FREM1: variants seen among roughly 807,000 people sequenced by gnomAD.
FREM1 encodes the protein FRAS1-related extracellular matrix protein 1.
A neutral mutation model predicts 210.1 loss-of-function variants in FREM1; 220 were observed. The observed-to-expected ratio is 1.05, with a 90% CI of 0.94 to 1.17. The LOEUF (loss-of-function observed/expected upper bound fraction) is 1.17, where lower values mean the gene tolerates loss of function less well. Ranked by LOEUF, FREM1 falls within the 50% of genes most tolerant of loss-of-function variation. The pLI is 0.00. For missense variants in FREM1, 3,454 were observed against 2,675.5 expected (o/e 1.29, Z -6.42); for synonymous variants, 1,189 against 980.2 (o/e 1.21, Z -3.98).
At chr9:14,747,753 T>C (rs1842724560) in intron 31 of FREM1, 25 bp from the exon 32 acceptor site, 2 of 1,460,026 alleles carry the variant, frequency 1.4e-6, no homozygotes, top group Middle Eastern at 3.4e-4. Flanking sequence ...GAACAAAATA[T>C]GAACAGAATT....
intron 12 of FREM1, 37 bp from the exon 13 acceptor site, chr9:14,823,364 C>G (rs757778366): frequency 6.3e-7 from 1 of 1,583,140 alleles, no homozygotes; most frequent in Non-Finnish European, 8.6e-7. Flanking sequence ...TGGGTGCTGA[C>G]TTGCAAGGAT....
chr9:14,746,735 T>TTAACTAACATATTTTGTGATTTTTAA (rs1418212323), intron 34 of FREM1, among the ~76,000 whole-genome samples, 188 bp downstream of exon 34: 2 of 152,236 alleles, frequency 1.3e-5, no homozygotes, highest in Non-Finnish European at 2.9e-5. Flanking sequence ...TGGTATTGAT[T>TTAACTAACATATTTTGTGATTTTTAA]TAACTAACAT....
intron 13 of FREM1, 43 bp from the exon 14 acceptor site, chr9:14,819,485 T>A: frequency 7.8e-7 from 1 of 1,280,170 alleles, no homozygotes; most frequent in Non-Finnish European, 1.1e-6. Flanking sequence ...CCTTTTTCCA[T>A]GACCCCTGAA....
chr9:14,884,727 T>C (rs912684651), intron 1 of FREM1, among the ~76,000 whole-genome samples: 2 of 151,996 alleles, frequency 1.3e-5, no homozygotes, highest in African/African-American at 4.8e-5. Context: ...AAAAAATGGA[T>C]CTCAGCTGTA....
chr9:14,747,805 A>G, intron 31 of FREM1, 77 bp from the exon 32 acceptor site: 1 of 789,438 alleles, frequency 1.3e-6, no homozygotes. Flanking sequence ...CCACCAAGTA[A>G]GATCTTGCTA....
intron 10 of FREM1, 44 bp from the exon 11 acceptor site, chr9:14,825,036 A>C (rs1399195258): frequency 2.2e-6 from 3 of 1,390,286 alleles, no homozygotes; most frequent in East Asian, 4.7e-5. Flanking sequence ...ATACCAAAAA[A>C]ACAACAAAGA....
chr9:14,789,465 G>C (rs887840844), intron 22 of FREM1, among the ~76,000 whole-genome samples: 1 of 152,142 alleles, frequency 6.6e-6, no homozygotes, highest in East Asian at 1.9e-4. Flanking sequence ...GGATTCTTTA[G>C]AAATTAAATG....
chr9:14,777,657 T>A lies in FREM1; in HGVS notation c.4443-1454A>T, dbSNP rs199717339. On this transcript the variant is annotated intron_variant, in intron 24 of 36. Coordinates refer to ENST00000380880, the MANE Select transcript of FREM1 (RefSeq NM_001379081.2). ...GTATATTTTCTTTGGAAGTTCTTTT[T>A]TAACTAGAGAAGGTATGGCATTTAT... 2.5e-4 allele frequency among the ~76,000 whole-genome samples: 12 copies of A among 48,396 alleles called. No homozygotes were observed. The South Asian group carries it at 6.5e-3, about 26-fold the overall frequency. 31.7% of individuals were successfully genotyped at this position (48,396 alleles called of 152,430 possible).
chr9:14,808,536 C>G (rs1319085230), intron 16 of FREM1, among the ~76,000 whole-genome samples: 1 of 152,178 alleles, frequency 6.6e-6, no homozygotes, highest in African/African-American at 2.4e-5. Context: ...AAGTGTCTTT[C>G]CATTTACATT....
chr9:14,863,375 A>G lies in FREM1; in HGVS notation c.329+434T>C, dbSNP rs144501953. Among the ~76,000 whole-genome samples the G allele has an allele frequency of 8.3e-3, 1,255 of 152,038 alleles. 23 individuals carry two copies. The highest frequency in any genetic ancestry group is 0.028 in the African/African-American group (1,176 of 41,446). On this transcript the variant is annotated intron_variant, in intron 3 of 36. Transcript: ENST00000380880. Reference sequence around the variant, plus strand: ...AAAAAAAAGGAATTTTAAATATTTAATATGTTTAAAAATGGAAGATATTGC... The same window carrying G: ...AAAAAAAAGGAATTTTAAATATTTAGTATGTTTAAAAATGGAAGATATTGC...
In FREM1 at chr9:14,747,305, C is replaced by G. The variant is rs1842645187; in HGVS notation, c.5968G>C (p.Asp1990His). ...TIKVAELPQA[D>H]KVESTTDSHF... ...GAGTCAGTTGTGGATTCCACCTTAT[C>G]TGCTTGAGGCAGTTCTGCCACTTTG... Residue 1990 changes from aspartate to histidine, a missense_variant, in exon 33 of 37, where the codon GAT becomes CAT. By Grantham distance (81) the Asp-to-His change is moderately conservative. Transcript: ENST00000380880. 1 of 1,613,476 alleles carries G rather than the reference C, an allele frequency of 6.2e-7. No individual in the cohort carries two copies. The highest frequency in any genetic ancestry group is 2.2e-5 in the East Asian group (1 of 44,868).
intron 2 of FREM1, among the ~76,000 whole-genome samples, chr9:14,865,412 G>A (rs1831321532): frequency 6.6e-6 from 1 of 152,190 alleles, no homozygotes; most frequent in Non-Finnish European, 1.5e-5. Context: ...AGGCACTGGT[G>A]TGCATCAACT....
chr9:14,887,885 C>T (rs1268822135), intron 1 of FREM1, among the ~76,000 whole-genome samples: 2 of 152,184 alleles, frequency 1.3e-5, no homozygotes, highest in African/African-American at 4.8e-5. Context: ...GCAACCTCCA[C>T]CTCCTAGATT....
intron 14 of FREM1, among the ~76,000 whole-genome samples, chr9:14,817,813 C>A (rs1006459310): frequency 6.6e-6 from 1 of 152,134 alleles, no homozygotes; most frequent in African/African-American, 2.4e-5. Flanking sequence ...ACATCCTCCC[C>A]ACCCTCCATG....
chr9:14,881,942 T>A (rs909731110), intron 1 of FREM1, among the ~76,000 whole-genome samples: 6 of 152,114 alleles, frequency 3.9e-5, no homozygotes, highest in Non-Finnish European at 8.8e-5. Flanking sequence ...GGTGCTGCCT[T>A]GCACATGAAA....
intron 24 of FREM1, chr9:14,779,303 G>T: frequency 5.8e-6 from 1 of 173,426 alleles, no homozygotes; most frequent in Non-Finnish European, 1.1e-5. Flanking sequence ...TGGTACCTTA[G>T]CGCAAATATA....
intron 3 of FREM1, among the ~76,000 whole-genome samples, chr9:14,860,780 T>TACATATATACACATATATACATATATAC (rs1564101483): frequency 3.5e-5 from 3 of 85,790 alleles, no homozygotes; most frequent in Admixed American, 1.3e-4. Context: ...TACACATATA[T>TACATATATACACATATATACATATATAC]ACATATATAC....
rs1824722381 is a variant in FREM1, at chr9:14,836,874, G to A, written c.1881+4573C>T. On this transcript the variant is annotated intron_variant, in intron 10 of 36. Coordinates refer to ENST00000380880, the MANE Select transcript of FREM1 (RefSeq NM_001379081.2). This position sits in a 1 kb window ranked among gnomAD's most constrained non-coding sequence, Gnocchi z 4.9. ...GCAGTTAGTGTGATATTGCCGCAGG[G>A]AGGAATGTGGTAGGAGTTATTAAGA... Among the ~76,000 whole-genome samples the A allele has an allele frequency of 6.6e-6, 1 of 152,166 alleles. No individual in the cohort carries two copies. The highest frequency in any genetic ancestry group is 1.5e-5 in the Non-Finnish European group (1 of 68,032).
intron 27 of FREM1, among the ~76,000 whole-genome samples, chr9:14,763,297 C>T (rs1163925301): frequency 3.9e-5 from 6 of 152,170 alleles, no homozygotes; most frequent in African/African-American, 7.2e-5. Flanking sequence ...CCTCCAGTCA[C>T]GACAGCCAAA....
Sources: gnomAD v4.1 joint callset for allele counts (sites outside exome capture counted in the v4.1 genomes callset) on GRCh38, gnomAD v4.1.1 for gene constraint, Gnocchi (gnomAD v3.1) non-coding constraint, MANE v1.5 for transcripts, NCBI Gene and HGNC (gene_info 2026-07-23, HGNC 2026-07-21) for gene names.